Variants in NRDC observed in about 807,000 individuals in gnomAD.
NRDC encodes the protein nardilysin.
NRDC carries 54 observed loss-of-function variants against 147.1 expected under a neutral mutation model. The ratio of observed to expected loss-of-function variants is 0.37; its 90% CI spans 0.29 to 0.46. The LOEUF (loss-of-function observed/expected upper bound fraction) is 0.46. Ranked by LOEUF, NRDC falls within the 20% of genes least tolerant of loss-of-function variation. The pLI is 1.00. For missense variants in NRDC, 1,082 were observed against 1,370.6 expected, an observed-to-expected ratio of 0.79 and a Z score of 3.33; for synonymous variants, 440 against 482.1, an observed-to-expected ratio of 0.91 and a Z score of 1.14.
At chr1:51,821,449 G>A in intron 8 of NRDC, 49 bp downstream of exon 8, 1 of 1,276,628 alleles carries the variant, frequency 7.8e-7, no homozygotes, top group African/African-American at 1.5e-5. Flanking sequence ...ACAAGATAAT[G>A]GTCTCTTTAA....
intron 1 of NRDC, among the ~76,000 whole-genome samples, chr1:51,874,619 A>C (rs1426919232): frequency 1.3e-5 from 2 of 152,306 alleles, no homozygotes; most frequent in Non-Finnish European, 2.9e-5. Context: ...AAAAATAAAA[A>C]TAAAAATAAA....
intron 1 of NRDC, among the ~76,000 whole-genome samples, chr1:51,842,232 T>G (rs930725828): frequency 6.9e-5 from 9 of 131,168 alleles, no homozygotes; most frequent in Admixed American, 2.9e-4. Flanking sequence ...AAATGTTTGG[T>G]TTTTTTTTTT....
chr1:51,876,985 G>A (rs1475472381), intron 1 of NRDC, among the ~76,000 whole-genome samples: 1 of 151,906 alleles, frequency 6.6e-6, no homozygotes, highest in African/African-American at 2.4e-5. Flanking sequence ...TCAAGAGATC[G>A]AAACCATCCT....
At chr1:51,805,205 T>C (rs1679407843) in intron 19 of NRDC, among the ~76,000 whole-genome samples, 1 of 152,234 alleles carries the variant, frequency 6.6e-6, no homozygotes, top group African/African-American at 2.4e-5. Context: ...AGTCTCATTA[T>C]AGACTGGGCA....
At chr1:51,863,308 A>C (rs1336612176) in intron 1 of NRDC, among the ~76,000 whole-genome samples, 2 of 152,114 alleles carry the variant, frequency 1.3e-5, no homozygotes, top group Non-Finnish European at 2.9e-5. Flanking sequence ...AGACTGAAGC[A>C]GAAGGATCAC....
chr1:51,809,457 T>G, intron 16 of NRDC, 56 bp from the exon 17 acceptor site: 2 of 1,142,962 alleles, frequency 1.7e-6, no homozygotes, highest in Non-Finnish European at 2.7e-6. Context: ...CAACATTCTC[T>G]TAATAATAAA....
chr1:51,817,312 CT>C (rs149028848), intron 10 of NRDC, among the ~76,000 whole-genome samples: 2,397 of 151,256 alleles, frequency 0.016, 56 homozygotes, highest in African/African-American at 0.056. Context: ...CCCACCCCCC[CT>C]CCCAAAAAAG....
At chr1:51,837,740 T>A in intron 2 of NRDC, 1 of 696,764 alleles carries the variant, frequency 1.4e-6, no homozygotes, top group Non-Finnish European at 2.0e-6. Context: ...TATATCATAT[T>A]CAAATTTCAA....
At chr1:51,797,968 C>T in intron 22 of NRDC, 2 of 305,262 alleles carry the variant, frequency 6.6e-6, no homozygotes, top group Non-Finnish European at 1.2e-5. Flanking sequence ...TGAGTTCTCA[C>T]TGTGTTGCCT....
At chr1:51,846,708 C>G (rs926109040) in intron 1 of NRDC, among the ~76,000 whole-genome samples, 1 of 152,210 alleles carries the variant, frequency 6.6e-6, no homozygotes, top group Non-Finnish European at 1.5e-5. Context: ...CAAGATTTAT[C>G]GCCAACAGCG....
chr1:51,827,664 A>T (rs187210336), intron 5 of NRDC, 132 bp downstream of exon 5: 2 of 660,606 alleles, frequency 3.0e-6, no homozygotes, highest in Admixed American at 5.3e-5. Flanking sequence ...AGGAACAAAC[A>T]TAACACATAT....
At position 51,878,509 on chromosome 1, in the gene NRDC, C is replaced by G. The variant is rs1164540672; in HGVS notation, c.107G>C (p.Cys36Ser). ...GGGTCTGGCAGCAGCAGAGTCTTCGCACCGACCCCGCGTTTCGATTCCCCA... is the reference window on the plus strand; with the variant it reads ...GGGTCTGGCAGCAGCAGAGTCTTCGGACCGACCCCGCGTTTCGATTCCCCA... ...ALWGIETRGR[C>S]EDSAAARPFP... is the part of the protein sequence containing the mutation. The change falls in exon 1 of 31, where the codon TGC becomes TCC. Residue 36 changes from cysteine (C) to serine (S), a missense_variant. Physicochemically the swap from Cys to Ser is moderately radical, Grantham distance 112 (BLOSUM62 -1). This residue lies in a region of NRDC where 260 missense variants were observed against 253.2 expected (regional missense o/e 1.03). Coordinates refer to ENST00000352171, the MANE Select transcript of NRDC (RefSeq NM_001101662.2). 1 of 1,613,848 alleles carries G rather than the reference C, an allele frequency of 6.2e-7. No individual in the cohort carries two copies. The highest frequency in any genetic ancestry group is 8.5e-7 in the Non-Finnish European group (1 of 1,179,966).
Position 51,878,515 on chromosome 1 carries a change from C to T in NRDC, c.101G>A (p.Gly34Asp). 6.2e-7 allele frequency: 1 copy of T among 1,613,820 alleles called. No individual in the cohort carries two copies. Among genetic ancestry groups the T allele is most frequent in the South Asian group, 1.1e-5 (1 of 91,054 alleles). ...GGCAGCAGCAGAGTCTTCGCACCGA[C>T]CCCGCGTTTCGATTCCCCAGAGCGC... The part of the protein sequence containing the change: ...LAALWGIETR[G>D]RCEDSAAARP... Residue 34 changes from glycine to aspartate, a missense_variant, in exon 1 of 31, where the codon GGT (glycine) becomes GAT (aspartate). Coordinates refer to ENST00000352171, the MANE Select transcript of NRDC (RefSeq NM_001101662.2).
At chr1:51,850,972 G>A (rs766359637) in intron 1 of NRDC, among the ~76,000 whole-genome samples, 4 of 152,050 alleles carry the variant, frequency 2.6e-5, no homozygotes, top group Admixed American at 6.6e-5. Context: ...TCTAAACACC[G>A]GCAACCAAAA....
At position 51,814,547 on chromosome 1, in the gene NRDC, T is replaced by G; in HGVS notation, c.1619+4A>C. 1 of 1,613,442 alleles carries G rather than the reference T, an allele frequency of 6.2e-7. No individual in the cohort carries two copies. The highest frequency in any genetic ancestry group is 8.5e-7 in the Non-Finnish European group (1 of 1,179,444). The stretch of plus-strand genomic sequence containing the variant: ...CTGGCCTCATTCCAGGAAGTGTTTA[T>G]TACCTTTTTTCTGGGCCTAGCTTCT... On this transcript the variant is annotated splice_donor_region_variant and intron_variant, in intron 13 of 30. Coordinates refer to ENST00000352171, the MANE Select transcript of NRDC (RefSeq NM_001101662.2).
At chr1:51,805,031 T>C (rs983925571) in intron 19 of NRDC, among the ~76,000 whole-genome samples, 3 of 152,236 alleles carry the variant, frequency 2.0e-5, no homozygotes, top group Non-Finnish European at 4.4e-5. Context: ...AAGTATCTCC[T>C]ATATTCAGAC....
At chr1:51,805,760 TTAATC>T (rs1364387280) in intron 18 of NRDC, among the ~76,000 whole-genome samples, 199 bp from the exon 19 acceptor site, 2 of 152,172 alleles carry the variant, frequency 1.3e-5, no homozygotes, top group African/African-American at 4.8e-5. Flanking sequence ...AAGGCACTCT[TTAATC>T]TATGGGAAGA....
chr1:51,849,018 G>A (rs1016455086), intron 1 of NRDC, among the ~76,000 whole-genome samples: 1 of 152,110 alleles, frequency 6.6e-6, no homozygotes, highest in Non-Finnish European at 1.5e-5. Context: ...ATTACTGGGT[G>A]GGAACATCCA....
At chr1:51,841,947 A>G (rs1427990329) in intron 1 of NRDC, among the ~76,000 whole-genome samples, 1 of 152,118 alleles carries the variant, frequency 6.6e-6, no homozygotes, top group Non-Finnish European at 1.5e-5. Flanking sequence ...ATATAAAATA[A>G]TCACATTTGG....
Sources: allele counts gnomAD v4.1 joint callset (sites outside exome capture counted in the v4.1 genomes callset), GRCh38; gene constraint gnomAD v4.1.1; regional missense constraint gnomAD v4.1.1; transcripts MANE v1.5; gene names NCBI Gene and HGNC (gene_info 2026-07-23, HGNC 2026-07-21).